MIER1: variants seen among roughly 807,000 people sequenced by gnomAD.
The protein encoded by MIER1 is mesoderm induction early response protein 1.
In MIER1, 40 loss-of-function variants were observed where a neutral mutation model predicts 75.7. The observed-to-expected ratio is 0.53, with a 90% CI of 0.41 to 0.69. The LOEUF (loss-of-function observed/expected upper bound fraction) is 0.69, where lower values mean the gene tolerates loss of function less well. Among genes scored for constraint, MIER1 ranks in the 30% least tolerant of loss-of-function variants. The pLI, the probability that MIER1 is intolerant of heterozygous loss-of-function variation, is 0.00. For missense variants in MIER1, 574 were observed against 680.2 expected (o/e 0.84, Z 1.74); for synonymous variants, 213 against 223.4 (o/e 0.95, Z 0.42).
chr1:66,930,571 T>G (rs1652961771), intron 2 of MIER1, among the ~76,000 whole-genome samples: 1 of 151,286 alleles, frequency 6.6e-6, no homozygotes, highest in African/African-American at 2.4e-5. Flanking sequence ...GGAACTTAGT[T>G]GGGATGGGTC....
At chr1:66,959,957 C>A (rs1324127950) in intron 7 of MIER1, 3 of 265,292 alleles carry the variant, frequency 1.1e-5, no homozygotes, top group Non-Finnish European at 2.1e-5. Flanking sequence ...TGGTGGCTCA[C>A]GCCTGTTATC....
At chr1:66,956,960 G>A (rs879453988) in intron 4 of MIER1, among the ~76,000 whole-genome samples, 25 of 152,262 alleles carry the variant, frequency 1.6e-4, no homozygotes, top group African/African-American at 6.0e-4. Flanking sequence ...TAACACATGA[G>A]CTAGACTTAC....
Position 66,984,801 on chromosome 1 carries a change from G to A in MIER1, c.1599G>A (p.Arg533=). 8 of 1,613,834 alleles carry A rather than the reference G, an allele frequency of 5.0e-6. No individual in the cohort carries two copies. The highest frequency in any genetic ancestry group is 6.8e-6 in the Non-Finnish European group (8 of 1,179,892). ...GTGAGAGACCTGCCAAAAGGCGAAG[G>A]GTAAACAGCAATGGAAAAGAAAGTC... is the stretch of plus-strand genomic sequence containing the variant. ...EKSERPAKRR[R]VNSNGKESPG... The change falls in exon 14 of 14, where the codon AGG becomes AGA. Residue 533 remains arginine, a synonymous_variant. Transcript: ENST00000401041.
chr1:66,936,359 A>C (rs1415655747), intron 2 of MIER1, among the ~76,000 whole-genome samples: 1 of 151,720 alleles, frequency 6.6e-6, no homozygotes, highest in Admixed American at 6.6e-5. Context: ...AGCTGGGATT[A>C]CAGGCGCCCG....
Position 66,937,863 on chromosome 1 carries a change from C to G in MIER1, c.169-2165C>G, listed in dbSNP as rs1482912986. On this transcript the variant is annotated intron_variant, in intron 2 of 13. Transcript: ENST00000401041. ...AACTTTAAAGAATCTAATCTCAATCCTACCCCCAAACATATAGAACAGAAT... is the reference window on the plus strand; with the variant it reads ...AACTTTAAAGAATCTAATCTCAATCGTACCCCCAAACATATAGAACAGAAT... Among the ~76,000 whole-genome samples the G allele has an allele frequency of 2.6e-5, 4 of 152,132 alleles. No individual in the cohort carries two copies. The East Asian group carries it at 5.8e-4, about 22-fold the overall frequency.
At chr1:66,971,806 G>A (rs1173714770) in intron 10 of MIER1, 70 bp downstream of exon 10, 1 of 770,338 alleles carries the variant, frequency 1.3e-6, no homozygotes, top group East Asian at 2.7e-5. Context: ...AGTTTACCTA[G>A]GTATAGCCTA....
intron 12 of MIER1, among the ~76,000 whole-genome samples, chr1:66,979,022 C>T (rs1175847793): frequency 2.6e-5 from 4 of 152,134 alleles, no homozygotes; most frequent in Non-Finnish European, 1.5e-5. Flanking sequence ...AATGGTATGA[C>T]GTGAACTAAT....
intron 12 of MIER1, among the ~76,000 whole-genome samples, chr1:66,979,738 T>C (rs1164886440): frequency 6.6e-6 from 1 of 151,658 alleles, no homozygotes; most frequent in East Asian, 1.9e-4. Flanking sequence ...AATTTTGATA[T>C]CAACTCTTGT....
chr1:66,985,913 T>A lies in MIER1; in HGVS notation c.*1013T>A, dbSNP rs1460349977. ...TGCTTAGATTGCAGTTTGTTTTGCA[T>A]TTGCTATAATTTTCAAAATTATTTT... On this transcript the variant is annotated 3_prime_UTR_variant, in exon 14 of 14. Transcript: ENST00000401041. The A allele has an allele frequency of 2.8e-5, 27 of 981,478 alleles. No individual in the cohort carries two copies. The South Asian group carries it at 1.2e-3, about 45-fold the overall frequency. 60.8% of individuals were successfully genotyped at this position (981,478 alleles called of 1,614,324 possible).
Position 66,985,387 on chromosome 1 carries a change from G to A in MIER1, c.*487G>A, listed in dbSNP as rs1666650551. ...ACATTTTTCTCACCAAACAGTTTGA[G>A]TATCTTTATTAAGGAAACCCTTACG... On this transcript the variant is annotated 3_prime_UTR_variant, in exon 14 of 14. Coordinates refer to ENST00000401041, the MANE Select transcript of MIER1 (RefSeq NM_001077700.3). 4 of 984,010 alleles carry A rather than the reference G, an allele frequency of 4.1e-6. No homozygotes were observed. Among genetic ancestry groups the A allele is most frequent in the Non-Finnish European group, 4.8e-6 (4 of 828,770 alleles). The allele number at this position is 984,010 out of a possible 1,614,324, so 61.0% of individuals were successfully genotyped here.
intron 4 of MIER1, among the ~76,000 whole-genome samples, chr1:66,950,554 T>A (rs1275959647): frequency 6.6e-6 from 1 of 152,210 alleles, no homozygotes; most frequent in East Asian, 1.9e-4. Flanking sequence ...AATATATTTA[T>A]GTATTTAGAT....
At chr1:66,955,649 A>G (rs1190096724) in intron 4 of MIER1, among the ~76,000 whole-genome samples, 1 of 152,192 alleles carries the variant, frequency 6.6e-6, no homozygotes, top group Admixed American at 6.5e-5. Context: ...AATTAAAGGT[A>G]GTGGTTAACA....
intron 8 of MIER1, among the ~76,000 whole-genome samples, chr1:66,967,098 T>A (rs1662577506): frequency 6.6e-6 from 1 of 152,190 alleles, no homozygotes; most frequent in African/African-American, 2.4e-5. Context: ...TCCAGTGTCC[T>A]GCAGAATTTC....
At position 66,987,345 on chromosome 1, in the gene MIER1, G is replaced by A. The variant is rs537722050; in HGVS notation, c.*2445G>A. ...AGAACTTTTGAACTTTTGACAAATT[G>A]CATTGGAAAAAGAAGTCTGTTAATA... On this transcript the variant is annotated 3_prime_UTR_variant, in exon 14 of 14. Transcript: ENST00000401041. 1 of 152,754 alleles carries A rather than the reference G, an allele frequency of 6.5e-6. No individual in the cohort carries two copies. The highest frequency in any genetic ancestry group is 1.9e-4 in the East Asian group (1 of 5,330). 9.5% of individuals were successfully genotyped at this position (152,754 alleles called of 1,614,324 possible).
intron 4 of MIER1, 81 bp downstream of exon 4, chr1:66,946,376 AT>A: frequency 6.8e-7 from 1 of 1,467,138 alleles, no homozygotes; most frequent in Non-Finnish European, 9.0e-7. Flanking sequence ...TGATTCTCTG[AT>A]TAGGAGAGAA....
Position 66,942,654 on chromosome 1 carries a change from A to G in MIER1, c.193+2602A>G, listed in dbSNP as rs369858003. On this transcript the variant is annotated intron_variant, in intron 3 of 13. Coordinates refer to ENST00000401041, the MANE Select transcript of MIER1 (RefSeq NM_001077700.3). ...GGGTCTAGCTATTGACAAGAATAAG[A>G]TGGTTAGTTTGTTCTAAGGAACAAG... Among the ~76,000 whole-genome samples, 4 of 152,144 alleles carry G rather than the reference A, an allele frequency of 2.6e-5. No homozygotes were observed. The South Asian group carries it at 8.3e-4, about 32-fold the overall frequency.
chr1:66,949,804 CA>C (rs1383723420), intron 4 of MIER1, among the ~76,000 whole-genome samples: 1 of 152,218 alleles, frequency 6.6e-6, no homozygotes, highest in Non-Finnish European at 1.5e-5. Context: ...TTTCACCTTA[CA>C]CCTTGGTTGC....
At position 66,948,136 on chromosome 1, in the gene MIER1, T is replaced by C. The variant is rs937004463; in HGVS notation, c.339+1841T>C. 5 of 880,120 alleles carry C rather than the reference T, an allele frequency of 5.7e-6. No individual in the cohort carries two copies. The South Asian group carries it at 1.6e-4, about 28-fold the overall frequency. 54.5% of individuals were successfully genotyped at this position (880,120 alleles called of 1,614,324 possible). ...AGAAGATGAAATAAAATGACTGTTA[T>C]TCACCAGTGTATTTCATGGTACCTT... On this transcript the variant is annotated intron_variant, in intron 4 of 13. Coordinates refer to ENST00000401041, the MANE Select transcript of MIER1 (RefSeq NM_001077700.3).
chr1:66,956,997 T>G (rs1280656636), intron 4 of MIER1, among the ~76,000 whole-genome samples: 1 of 152,230 alleles, frequency 6.6e-6, no homozygotes, highest in East Asian at 1.9e-4. Context: ...TGGAGAAACA[T>G]AAACCATGTC....
Sources: gnomAD v4.1 joint callset for allele counts (sites outside exome capture counted in the v4.1 genomes callset) on GRCh38, gnomAD v4.1.1 for gene constraint, MANE v1.5 for transcripts, NCBI Gene and HGNC (gene_info 2026-07-23, HGNC 2026-07-21) for gene names.